CDC42BPA: variants seen among roughly 807,000 people sequenced by gnomAD.
CDC42BPA encodes the protein serine/threonine-protein kinase MRCK alpha.
In CDC42BPA, 80 loss-of-function variants were observed where a neutral mutation model predicts 223.5. That is an observed-to-expected ratio of 0.36 (90% CI 0.30 to 0.43). The LOEUF (loss-of-function observed/expected upper bound fraction) is 0.43, where lower values mean the gene tolerates loss of function less well. Among genes scored for constraint, CDC42BPA ranks in the 20% least tolerant of loss-of-function variants. The probability of loss-of-function intolerance (pLI) is 1.00; values close to 1 mark genes in which losing one functional copy is unlikely to be tolerated. For synonymous variants in CDC42BPA, 694 were observed against 718.6 expected, an observed-to-expected ratio of 0.97 and a Z score of 0.55; for missense variants, 1,743 against 2,099.9, an observed-to-expected ratio of 0.83 and a Z score of 3.32.
At chr1:227,199,526 C>A in intron 4 of CDC42BPA, 31 bp downstream of exon 4, 1 of 1,162,968 alleles carries the variant, frequency 8.6e-7, no homozygotes, top group Non-Finnish European at 1.3e-6. Context: ...AACAAAAAAA[C>A]AGTATATAGA....
At chr1:227,076,045 C>A (rs530230565) in intron 17 of CDC42BPA, among the ~76,000 whole-genome samples, 2 of 152,322 alleles carry the variant, frequency 1.3e-5, no homozygotes, top group Non-Finnish European at 1.5e-5. Context: ...CTTACAACTG[C>A]AGTCTTCCAC....
intron 12 of CDC42BPA, among the ~76,000 whole-genome samples, chr1:227,118,770 T>G (rs1040410939): frequency 3.3e-5 from 5 of 152,084 alleles, no homozygotes; most frequent in African/African-American, 9.7e-5. Flanking sequence ...TTAATATTAC[T>G]ATAATATTAT....
intron 2 of CDC42BPA, among the ~76,000 whole-genome samples, chr1:227,252,848 A>T (rs1433041065): frequency 1.3e-5 from 2 of 152,252 alleles, no homozygotes; most frequent in African/African-American, 2.4e-5. Context: ...TTCCTATTTG[A>T]AAAGTATAAC....
In CDC42BPA at chr1:227,317,492, TAG is replaced by T. The variant is rs1694592014; in HGVS notation, c.-312_-311del. The T allele has an allele frequency of 2.5e-6, 1 of 393,334 alleles. No individual in the cohort carries two copies. The highest frequency in any genetic ancestry group is 1.3e-4 in the South Asian group (1 of 7,610). 24.4% of individuals were successfully genotyped at this position (393,334 alleles called of 1,614,324 possible). A position where few individuals can be genotyped will look rare whatever the true frequency, so the allele number is the denominator to read the frequency against. ...AATAATAATTAAAAGTACAACGAAC[TAG>T]AGAGTCAACACTTCTTTAAAAAAAA... On this transcript the variant is annotated 5_prime_UTR_variant, in exon 1 of 37. Coordinates refer to ENST00000366766, the MANE Select transcript of CDC42BPA (RefSeq NM_001394014.1).
At chr1:227,116,108 C>T (rs1336357719) in intron 12 of CDC42BPA, among the ~76,000 whole-genome samples, 2 of 152,134 alleles carry the variant, frequency 1.3e-5, no homozygotes, top group Non-Finnish European at 2.9e-5. Flanking sequence ...ACTCATGGGG[C>T]TGTGATGGAG....
chr1:227,124,185 G>A (rs938127236), intron 11 of CDC42BPA, among the ~76,000 whole-genome samples: 1 of 152,102 alleles, frequency 6.6e-6, no homozygotes, highest in African/African-American at 2.4e-5. Flanking sequence ...TAGAAGCTCA[G>A]AGTATGGTAA....
chr1:227,262,676 G>C (rs1361489626), intron 1 of CDC42BPA, among the ~76,000 whole-genome samples: 3 of 152,066 alleles, frequency 2.0e-5, no homozygotes, highest in Non-Finnish European at 4.4e-5. Flanking sequence ...TAAGTCATAA[G>C]ATACCCTGAG....
intron 5 of CDC42BPA, among the ~76,000 whole-genome samples, chr1:227,164,551 A>AGCTACTCAGGAC (rs1664687565): frequency 6.6e-6 from 1 of 151,764 alleles, no homozygotes; most frequent in South Asian, 2.1e-4. Context: ...CTGTGGTCCC[A>AGCTACTCAGGAC]GCTACTCAGG....
At chr1:227,304,662 G>C (rs1350191986) in intron 1 of CDC42BPA, among the ~76,000 whole-genome samples, 1 of 152,144 alleles carries the variant, frequency 6.6e-6, no homozygotes, top group Non-Finnish European at 1.5e-5. Flanking sequence ...TGTCTCCTAT[G>C]GGGTGCAGTG....
intron 5 of CDC42BPA, among the ~76,000 whole-genome samples, chr1:227,168,258 TATC>T (rs1558662242): frequency 6.6e-6 from 1 of 152,156 alleles, no homozygotes; most frequent in African/African-American, 2.4e-5. Context: ...TACTTAAAAA[TATC>T]ATATCACATT....
At chr1:227,163,138 G>A (rs1191054611) in intron 5 of CDC42BPA, among the ~76,000 whole-genome samples, 1 of 76,766 alleles carries the variant, frequency 1.3e-5, no homozygotes, top group Non-Finnish European at 3.0e-5. Context: ...ACATATGTGT[G>A]TGTATGTTTC....
intron 3 of CDC42BPA, among the ~76,000 whole-genome samples, chr1:227,209,202 A>G (rs1286906663): frequency 6.9e-6 from 1 of 145,558 alleles, no homozygotes; most frequent in Non-Finnish European, 1.5e-5. Flanking sequence ...TTGTACATTG[A>G]TTTTGTATCC....
intron 33 of CDC42BPA, among the ~76,000 whole-genome samples, chr1:227,016,647 A>G (rs893145930): frequency 2.7e-5 from 4 of 145,608 alleles, no homozygotes; most frequent in Admixed American, 1.4e-4. Flanking sequence ...CTTATACTGT[A>G]GAAAGGTACA....
intron 5 of CDC42BPA, among the ~76,000 whole-genome samples, chr1:227,170,466 A>AAG (rs34012294): frequency 0.13 from 19,100 of 150,828 alleles, 1,370 homozygotes; most frequent in African/African-American, 0.17. Context: ...AAAAAAAAAA[A>AAG]GAAAAAAAAA....
chr1:227,023,589 A>G (rs1033974330), intron 31 of CDC42BPA, among the ~76,000 whole-genome samples: 3 of 152,210 alleles, frequency 2.0e-5, no homozygotes, highest in African/African-American at 7.2e-5. Context: ...TGAACAAATA[A>G]GTAGAAATAC....
intron 3 of CDC42BPA, among the ~76,000 whole-genome samples, chr1:227,211,059 CCAAA>C (rs1349705449): frequency 6.6e-6 from 1 of 152,024 alleles, no homozygotes; most frequent in Non-Finnish European, 1.5e-5. Flanking sequence ...AAAAGAAATC[CCAAA>C]CAAATATCTG....
chr1:227,149,585 AC>A (rs1381283716), intron 6 of CDC42BPA, among the ~76,000 whole-genome samples: 1 of 152,212 alleles, frequency 6.6e-6, no homozygotes, highest in South Asian at 2.1e-4. Flanking sequence ...AAATCAACAA[AC>A]ACAAAAGTTT....
intron 10 of CDC42BPA, among the ~76,000 whole-genome samples, chr1:227,137,769 C>T (rs1279730243): frequency 1.3e-5 from 2 of 151,318 alleles, no homozygotes; most frequent in Non-Finnish European, 2.9e-5. Context: ...AGAGAATATA[C>T]TGTATGATAC....
chr1:227,125,076 A>C (rs989857376), intron 11 of CDC42BPA, among the ~76,000 whole-genome samples: 4 of 152,072 alleles, frequency 2.6e-5, no homozygotes, highest in Non-Finnish European at 5.9e-5. Flanking sequence ...CATAAATGAC[A>C]ACAGCTGTAA....
Sources: gnomAD v4.1 joint callset for allele counts (sites outside exome capture counted in the v4.1 genomes callset) on GRCh38, gnomAD v4.1.1 for gene constraint, MANE v1.5 for transcripts, NCBI Gene and HGNC (gene_info 2026-07-23, HGNC 2026-07-21) for gene names.